Variants in TNRC6B observed in about 807,000 individuals in gnomAD.
The protein encoded by TNRC6B is trinucleotide repeat-containing gene 6B protein.
In TNRC6B, 52 loss-of-function variants were observed where a neutral mutation model predicts 203.6. The observed-to-expected ratio is 0.26, with a 90% CI of 0.20 to 0.32. The LOEUF (loss-of-function observed/expected upper bound fraction) is 0.32. TNRC6B is among the 10% of genes least tolerant of loss of function. The pLI is 1.00. For synonymous variants in TNRC6B, 838 were observed against 845.7 expected, an observed-to-expected ratio of 0.99 and a Z score of 0.16; for missense variants, 1,923 against 2,286.2, an observed-to-expected ratio of 0.84 and a Z score of 3.24.
intron 1 of TNRC6B, among the ~76,000 whole-genome samples, chr22:40,185,589 T>G (rs1271771166): frequency 6.6e-6 from 1 of 152,026 alleles, no homozygotes; most frequent in African/African-American, 2.4e-5. Context: ...CTGTATTAGC[T>G]AGAGTAAGGT....
At chr22:40,242,588 G>A (rs1378772631) in intron 1 of TNRC6B, among the ~76,000 whole-genome samples, 1 of 151,922 alleles carries the variant, frequency 6.6e-6, no homozygotes, top group Non-Finnish European at 1.5e-5. Flanking sequence ...GTGCCACCAC[G>A]CCCACCTAAT....
At chr22:40,300,840 C>A in intron 13 of TNRC6B, 70 bp from the exon 14 acceptor site, 1 of 1,461,366 alleles carries the variant, frequency 6.8e-7, no homozygotes, top group South Asian at 1.2e-5. Context: ...AGTGCACAGA[C>A]CCTTTAGGTG....
chr22:40,159,253 G>A (rs963572148), intron 4 of TNRC6B, among the ~76,000 whole-genome samples: 3 of 148,834 alleles, frequency 2.0e-5, no homozygotes, highest in Non-Finnish European at 4.5e-5. Context: ...GTGAGCCACC[G>A]CACCTGGCCG....
At chr22:40,047,367 C>G (rs2146259315) in intron 1 of TNRC6B, among the ~76,000 whole-genome samples, 1 of 152,050 alleles carries the variant, frequency 6.6e-6, no homozygotes, top group African/African-American at 2.4e-5. Context: ...TTTGGGAGAC[C>G]GAGGCAGGTG....
At chr22:40,108,687 A>G (rs907254471) in intron 1 of TNRC6B, among the ~76,000 whole-genome samples, 2 of 152,252 alleles carry the variant, frequency 1.3e-5, no homozygotes, top group Non-Finnish European at 1.5e-5. Context: ...CAAGCTAGAC[A>G]TTAAAGAAAT....
intron 2 of TNRC6B, among the ~76,000 whole-genome samples, chr22:40,248,860 A>G (rs1014764257): frequency 6.6e-6 from 1 of 152,164 alleles, no homozygotes; most frequent in African/African-American, 2.4e-5. Flanking sequence ...GTGGCCTTTG[A>G]TCTTGTTTTA....
chr22:40,224,741 T>G (rs1465352810), intron 1 of TNRC6B, among the ~76,000 whole-genome samples: 5 of 152,244 alleles, frequency 3.3e-5, no homozygotes, highest in African/African-American at 9.6e-5. Flanking sequence ...CCTTCCTCTC[T>G]TCCTCCCGTT....
intron 3 of TNRC6B, among the ~76,000 whole-genome samples, chr22:40,254,189 G>T (rs1569039509): frequency 6.6e-6 from 1 of 152,192 alleles, no homozygotes; most frequent in Non-Finnish European, 1.5e-5. Context: ...TAAGGTAGAA[G>T]CTAATATCCT....
At chr22:40,123,060 G>A (rs1463266689) in intron 2 of TNRC6B, among the ~76,000 whole-genome samples, 1 of 152,186 alleles carries the variant, frequency 6.6e-6, no homozygotes, top group Non-Finnish European at 1.5e-5. Flanking sequence ...TGGTTCAGTA[G>A]CCTTTGTTGG....
Position 40,265,617 on chromosome 22 carries a change from C to A in TNRC6B, c.1387C>A (p.Gln463Lys). 6.2e-7 allele frequency: 1 copy of A among 1,613,716 alleles called. No individual in the cohort carries two copies. Among genetic ancestry groups the A allele is most frequent in the Middle Eastern group, 1.6e-4 (1 of 6,062 alleles). The change falls in exon 5 of 23, where the codon CAG becomes AAG. Residue 463 changes from glutamine (Q) to lysine (K), a missense_variant. By Grantham distance (53) the Gln-to-Lys change is moderately conservative (BLOSUM62 1). Around this residue, in one of 8 missense-constraint regions of TNRC6B, gnomAD observed 614 missense variants for 587.7 expected, o/e 1.04. Transcript: ENST00000454349. ...REDSWKGASVQKSTGSKNDSW... is the reference protein window; with the variant it reads ...REDSWKGASVKKSTGSKNDSW... ...GGACTCCTGGAAAGGAGCTTCTGTTCAGAAATCAACTGGGTCAAAAAATGA... is the reference window on the plus strand; with the variant it reads ...GGACTCCTGGAAAGGAGCTTCTGTTAAGAAATCAACTGGGTCAAAAAATGA...
At chr22:40,277,025 G>A (rs2070653584) in intron 7 of TNRC6B, 52 bp from the exon 8 acceptor site, 1 of 1,430,710 alleles carries the variant, frequency 7.0e-7, no homozygotes, top group Non-Finnish European at 9.5e-7. Flanking sequence ...ATAAAACTCA[G>A]GAGGCTGAAA....
In TNRC6B at chr22:40,276,960, A is replaced by C. The variant is rs2070652952; in HGVS notation, c.3142-117A>C. The C allele has an allele frequency of 1.0e-5, 6 of 601,810 alleles. No homozygotes were observed. In the East Asian group the frequency reaches 1.9e-4, roughly 19 times the overall value. The allele number at this position is 601,810 out of a possible 1,614,324, so 37.3% of individuals were successfully genotyped here. A position where few individuals can be genotyped will look rare whatever the true frequency, so the allele number is the denominator to read the frequency against. On this transcript the variant is annotated intron_variant, in intron 7 of 22. Coordinates refer to ENST00000454349, the MANE Select transcript of TNRC6B (RefSeq NM_001162501.2). ...TAAAATATCAACATAATTTTAGTTAAAGAGAAATAGGACTTAAAAAGGTAA... is the reference window on the plus strand; with the variant it reads ...TAAAATATCAACATAATTTTAGTTACAGAGAAATAGGACTTAAAAAGGTAA...
intron 1 of TNRC6B, among the ~76,000 whole-genome samples, chr22:40,240,546 A>G (rs899516570): frequency 6.6e-6 from 1 of 152,212 alleles, no homozygotes; most frequent in African/African-American, 2.4e-5. Flanking sequence ...AGCTGGGTGC[A>G]CCTATAAACT....
At chr22:40,181,339 G>C (rs2069126210) in intron 1 of TNRC6B, among the ~76,000 whole-genome samples, 1 of 152,094 alleles carries the variant, frequency 6.6e-6, no homozygotes, top group Non-Finnish European at 1.5e-5. Flanking sequence ...GAATAAGGGT[G>C]GTCCTCACCC....
chr22:40,316,223 G>A (rs969105871), intron 21 of TNRC6B, among the ~76,000 whole-genome samples: 9 of 151,924 alleles, frequency 5.9e-5, no homozygotes, highest in Non-Finnish European at 1.0e-4. Context: ...GCATGGTGGC[G>A]GGCGCCTGTA....
chr22:40,188,811 G>A (rs1293106886), intron 1 of TNRC6B, among the ~76,000 whole-genome samples: 3 of 152,144 alleles, frequency 2.0e-5, no homozygotes, highest in African/African-American at 7.2e-5. Flanking sequence ...TGTTTATGCT[G>A]AAACAGAAGT....
At chr22:40,060,081 G>A (rs989773941) in intron 1 of TNRC6B, among the ~76,000 whole-genome samples, 6 of 150,434 alleles carry the variant, frequency 4.0e-5, no homozygotes, top group Non-Finnish European at 5.9e-5. Flanking sequence ...CACCCGCCTC[G>A]ACCTCCCAAA....
chr22:40,074,369 G>T (rs1260673826), intron 1 of TNRC6B, among the ~76,000 whole-genome samples: 1 of 152,140 alleles, frequency 6.6e-6, no homozygotes, highest in East Asian at 1.9e-4. Context: ...GGTGGGCCAG[G>T]CATGGTGGCT....
intron 1 of TNRC6B, among the ~76,000 whole-genome samples, chr22:40,084,944 C>G (rs1036237853): frequency 2.0e-5 from 3 of 152,214 alleles, no homozygotes; most frequent in African/African-American, 7.2e-5. Context: ...AGTCCCCTCT[C>G]CTGCTGAACA....
Sources: allele counts gnomAD v4.1 joint callset (sites outside exome capture counted in the v4.1 genomes callset), GRCh38; gene constraint gnomAD v4.1.1; regional missense constraint gnomAD v4.1.1; transcripts MANE v1.5; gene names NCBI Gene and HGNC (gene_info 2026-07-23, HGNC 2026-07-21).